The following NUP98 variants were observed in gnomAD, a reference collection of about 807,000 sequenced individuals.
The protein encoded by NUP98 is nuclear pore complex protein Nup98-Nup96.
Under a neutral mutation model 191.9 loss-of-function variants are expected in NUP98, and 26 were observed. That is an observed-to-expected ratio of 0.14 (90% confidence interval 0.10 to 0.19). NUP98 has a LOEUF of 0.19. NUP98 is among the 10% of genes least tolerant of loss of function. The probability of loss-of-function intolerance (pLI) is 1.00; values close to 1 mark genes in which losing one functional copy is unlikely to be tolerated. For missense variants in NUP98, 1,941 were observed against 2,178.8 expected, an observed-to-expected ratio of 0.89 and a Z score of 2.17; for synonymous variants, 808 against 778.4, an observed-to-expected ratio of 1.04 and a Z score of -0.63.
intron 12 of NUP98, among the ~76,000 whole-genome samples, chr11:3,743,370 G>A (rs914484055): frequency 2.0e-5 from 3 of 150,542 alleles, no homozygotes; most frequent in Admixed American, 1.3e-4. Context: ...ATTTCGGCCT[G>A]GCGTGGTGGC....
rs147019239 is a variant in NUP98 at position 3,682,092 on chromosome 11, G to A, written c.4918+1108C>T. On this transcript the variant is annotated intron_variant, in intron 30 of 32. Transcript: ENST00000324932. ...AAACTTCATGAAGCAACTTCTGCTA[G>A]CTTCAAACGTTTCTTCTGTAGCTTC... 4.3e-3 allele frequency among the ~76,000 whole-genome samples: 654 copies of A among 152,282 alleles called. 3 individuals are homozygous for A. Among genetic ancestry groups the A allele is most frequent in the African/African-American group, 0.015 (624 of 41,540 alleles).
intron 1 of NUP98, among the ~76,000 whole-genome samples, chr11:3,796,615 G>C (rs1590012296): frequency 6.6e-6 from 1 of 152,282 alleles, no homozygotes; most frequent in East Asian, 1.9e-4. Flanking sequence ...TGTCCATGCC[G>C]CACCGACCTC....
intron 11 of NUP98, among the ~76,000 whole-genome samples, chr11:3,752,554 A>G (rs1225655769): frequency 1.3e-5 from 2 of 151,400 alleles, no homozygotes; most frequent in Admixed American, 6.6e-5. Context: ...AATAAAAAAG[A>G]AGGAAATGAC....
intron 25 of NUP98, 39 bp from the exon 26 acceptor site, chr11:3,695,645 G>A (rs1210602907): frequency 3.6e-6 from 5 of 1,402,108 alleles, no homozygotes; most frequent in Non-Finnish European, 4.7e-6. Context: ...ATTACTAAGG[G>A]TTTATGGACT....
intron 11 of NUP98, among the ~76,000 whole-genome samples, chr11:3,751,297 G>A (rs1238833887): frequency 6.6e-6 from 1 of 152,214 alleles, no homozygotes; most frequent in Non-Finnish European, 1.5e-5. Context: ...GGCGGAGGCT[G>A]CGGTGAGCCG....
intron 10 of NUP98, 106 bp downstream of exon 10, chr11:3,760,433 C>T (rs137967108): frequency 1.0e-5 from 15 of 1,482,246 alleles, no homozygotes; most frequent in African/African-American, 2.8e-5. Context: ...AGGAGAATAA[C>T]GTGTGGTATA....
At chr11:3,681,923 C>G (rs564430379) in intron 30 of NUP98, among the ~76,000 whole-genome samples, 4 of 152,324 alleles carry the variant, frequency 2.6e-5, no homozygotes, top group African/African-American at 7.2e-5. Flanking sequence ...GCAGTTTCAT[C>G]TACACTGAAA....
At chr11:3,705,138 G>A in intron 22 of NUP98, 62 bp downstream of exon 22, 1 of 1,532,916 alleles carries the variant, frequency 6.5e-7, no homozygotes. Flanking sequence ...AAGAAGAAAA[G>A]TGAAAAGCAG....
chr11:3,739,692 G>A lies in NUP98; in HGVS notation c.1409-4368C>T, dbSNP rs371809680. ...TATAAACCCACAATGACAAACAATG[G>A]GAAGGTGGCAAATGAACACATGAGA... is the stretch of plus-strand genomic sequence containing the variant. On this transcript the variant is annotated intron_variant, in intron 12 of 32. Transcript: ENST00000324932. 1.2e-4 allele frequency among the ~76,000 whole-genome samples: 18 copies of A among 152,074 alleles called. No homozygotes were observed. In the East Asian group the frequency reaches 2.1e-3, roughly 18 times the overall value.
chr11:3,776,094 G>T, intron 4 of NUP98, 73 bp from the exon 5 acceptor site: 2 of 1,155,118 alleles, frequency 1.7e-6, no homozygotes, highest in Non-Finnish European at 2.5e-6. Flanking sequence ...TTGGAATTGG[G>T]CTATGGCACT....
At chr11:3,789,698 T>C (rs918749779) in intron 1 of NUP98, among the ~76,000 whole-genome samples, 2 of 152,066 alleles carry the variant, frequency 1.3e-5, no homozygotes, top group Admixed American at 6.6e-5. Context: ...CTCTAACTCC[T>C]GGACTCAAGC....
chr11:3,731,480 A>C lies in NUP98; in HGVS notation c.1641T>G (p.Ala547=). The C allele has an allele frequency of 3.1e-6, 5 of 1,609,070 alleles. No homozygotes were observed. The highest frequency in any genetic ancestry group is 2.7e-5 in the African/African-American group (2 of 75,002). ...ACTTGGCTGTGCCTGTTGTTTGTAA[A>C]GCCTTTGGCCGGACTCTAGTGGCAG... is the stretch of plus-strand genomic sequence containing the variant. ...PRPATRVRPK[A]LQTTGTAKSH... Residue 547 remains alanine (A), a synonymous_variant, in exon 14 of 33, where the codon GCT becomes GCG. Coordinates refer to ENST00000324932, the MANE Select transcript of NUP98 (RefSeq NM_016320.5).
At chr11:3,685,871 T>G (rs1355582664) in intron 29 of NUP98, 102 bp downstream of exon 29, 2 of 864,850 alleles carry the variant, frequency 2.3e-6, no homozygotes, top group Non-Finnish European at 3.8e-6. Context: ...TAACACACAT[T>G]CTACACAATT....
intron 12 of NUP98, among the ~76,000 whole-genome samples, chr11:3,736,108 T>A (rs1323373818): frequency 6.6e-6 from 1 of 151,608 alleles, no homozygotes; most frequent in Non-Finnish European, 1.5e-5. Context: ...GTTTTGTTTT[T>A]TTTTTCAGAG....
At chr11:3,740,651 G>A (rs1203380859) in intron 12 of NUP98, among the ~76,000 whole-genome samples, 1 of 151,962 alleles carries the variant, frequency 6.6e-6, no homozygotes, top group Non-Finnish European at 1.5e-5. Context: ...CAACTACTGT[G>A]GTTACTGCAA....
chr11:3,684,877 T>G (rs1174421755), intron 29 of NUP98, among the ~76,000 whole-genome samples: 2 of 150,192 alleles, frequency 1.3e-5, no homozygotes, highest in East Asian at 4.0e-4. Flanking sequence ...AGTGAGTACG[T>G]GGTAGATCTA....
At chr11:3,679,311 T>C in intron 31 of NUP98, 1 of 591,690 alleles carries the variant, frequency 1.7e-6, no homozygotes, top group Non-Finnish European at 3.1e-6. Context: ...AGACTGTCTA[T>C]GGACAAGCCT....
At chr11:3,708,253 A>C (rs944582865) in intron 20 of NUP98, among the ~76,000 whole-genome samples, 1 of 152,222 alleles carries the variant, frequency 6.6e-6, no homozygotes, top group Non-Finnish European at 1.5e-5. Flanking sequence ...TAGAGAAAGC[A>C]GTAAACTATA....
chr11:3,689,528 CA>C (rs1052112626), intron 28 of NUP98, among the ~76,000 whole-genome samples: 13 of 146,678 alleles, frequency 8.9e-5, no homozygotes, highest in African/African-American at 1.8e-4. Flanking sequence ...GAGTCTGTCT[CA>C]AAAAAAAAAC....
Sources: gnomAD v4.1 joint callset for allele counts (sites outside exome capture counted in the v4.1 genomes callset) on GRCh38, gnomAD v4.1.1 for gene constraint, MANE v1.5 for transcripts, NCBI Gene and HGNC (gene_info 2026-07-23, HGNC 2026-07-21) for gene names.